COG5: variants seen among roughly 807,000 people sequenced by gnomAD.
COG5 encodes component of oligomeric golgi complex 5, also known as conserved oligomeric Golgi complex subunit 5.
A neutral mutation model predicts 110.4 loss-of-function variants in COG5; 86 were observed. The observed-to-expected ratio is 0.78, with a 90% confidence interval of 0.65 to 0.93. The LOEUF is 0.93. Among genes scored for constraint, COG5 ranks in the 40% least tolerant of loss-of-function variants. COG5 has a pLI of 0.00. For synonymous variants in COG5, 360 were observed against 334.6 expected, an observed-to-expected ratio of 1.08 and a Z score of -0.83; for missense variants, 1,077 against 987.0, an observed-to-expected ratio of 1.09 and a Z score of -1.22.
chr7:107,412,114 A>T (rs190953337), intron 7 of COG5, among the ~76,000 whole-genome samples: 2 of 152,266 alleles, frequency 1.3e-5, no homozygotes, highest in Admixed American at 1.3e-4. Context: ...TCAACAACTT[A>T]TTTAAGCTCT....
intron 8 of COG5, among the ~76,000 whole-genome samples, chr7:107,372,057 T>C (rs1814218639): frequency 1.3e-5 from 2 of 152,222 alleles, no homozygotes; most frequent in South Asian, 4.1e-4. Context: ...AGACTCCTAA[T>C]GAAAGGCTAC....
chr7:107,266,568 A>C (rs1317285022), intron 14 of COG5, among the ~76,000 whole-genome samples: 5 of 152,026 alleles, frequency 3.3e-5, no homozygotes, highest in Non-Finnish European at 5.9e-5. Flanking sequence ...TTCTTCTTTA[A>C]ATTTTGGTGA....
chr7:107,441,916 G>A (rs1038782789), intron 6 of COG5, among the ~76,000 whole-genome samples: 1 of 152,214 alleles, frequency 6.6e-6, no homozygotes, highest in Non-Finnish European at 1.5e-5. Flanking sequence ...CTATTGGTAT[G>A]CATTAGTTTA....
At chr7:107,491,217 T>C (rs1797956607) in intron 6 of COG5, among the ~76,000 whole-genome samples, 1 of 152,116 alleles carries the variant, frequency 6.6e-6, no homozygotes, top group African/African-American at 2.4e-5. Context: ...GTCCTGCAAT[T>C]ATCACAACTT....
intron 5 of COG5, among the ~76,000 whole-genome samples, chr7:107,529,722 C>T (rs1039095414): frequency 6.6e-6 from 1 of 152,170 alleles, no homozygotes; most frequent in Non-Finnish European, 1.5e-5. Context: ...AGCGTACTTT[C>T]CTTTCTTTCT....
At chr7:107,277,133 C>T (rs1171719332) in intron 14 of COG5, among the ~76,000 whole-genome samples, 1 of 152,140 alleles carries the variant, frequency 6.6e-6, no homozygotes, top group Non-Finnish European at 1.5e-5. Context: ...ATATATTATG[C>T]ACGTATTAAC....
At chr7:107,330,970 G>A (rs943851114) in intron 10 of COG5, among the ~76,000 whole-genome samples, 1 of 151,788 alleles carries the variant, frequency 6.6e-6, no homozygotes, top group South Asian at 2.1e-4. Flanking sequence ...CTACAGGTGC[G>A]TGCCACCACA....
intron 13 of COG5, among the ~76,000 whole-genome samples, chr7:107,283,266 A>G (rs1228024018): frequency 6.6e-6 from 1 of 152,166 alleles, no homozygotes; most frequent in African/African-American, 2.4e-5. Context: ...ATTATATTTG[A>G]TTTCTTGTGT....
chr7:107,331,905 G>A (rs957631356), intron 10 of COG5, among the ~76,000 whole-genome samples: 14 of 148,086 alleles, frequency 9.5e-5, no homozygotes, highest in African/African-American at 2.5e-4. Context: ...ACAGTGGCAC[G>A]ATCTCGGCTC....
chr7:107,323,055 ATC>A (rs1809442371), intron 11 of COG5, among the ~76,000 whole-genome samples: 1 of 152,236 alleles, frequency 6.6e-6, no homozygotes, highest in Non-Finnish European at 1.5e-5. Context: ...AATGTTCTAT[ATC>A]TTAATTGTAA....
At chr7:107,344,369 T>C (rs923453026) in intron 10 of COG5, among the ~76,000 whole-genome samples, 4 of 152,182 alleles carry the variant, frequency 2.6e-5, no homozygotes, top group African/African-American at 9.7e-5. Context: ...AACAAGAAAA[T>C]GTGCAGCTTC....
chr7:107,262,120 G>A (rs1033320795), intron 14 of COG5, among the ~76,000 whole-genome samples: 3 of 151,770 alleles, frequency 2.0e-5, no homozygotes, highest in Non-Finnish European at 4.4e-5. Context: ...TGAACTCCTG[G>A]CCTCAAGTGA....
intron 7 of COG5, among the ~76,000 whole-genome samples, chr7:107,381,723 G>A (rs1584753312): frequency 1.3e-5 from 2 of 152,180 alleles, no homozygotes; most frequent in East Asian, 3.9e-4. Context: ...AAAATATCAA[G>A]CAAAACAATA....
intron 5 of COG5, 47 bp from the exon 6 acceptor site, chr7:107,527,404 T>C: frequency 6.2e-7 from 1 of 1,602,374 alleles, no homozygotes; most frequent in Non-Finnish European, 8.5e-7. Context: ...TGAAGTTTTA[T>C]TACTATTAAT....
intron 11 of COG5, among the ~76,000 whole-genome samples, chr7:107,307,635 T>C (rs1807842845): frequency 6.6e-6 from 1 of 152,180 alleles, no homozygotes; most frequent in African/African-American, 2.4e-5. Flanking sequence ...AGGAGGTCAT[T>C]ATTCTAAGTG....
At chr7:107,326,674 T>A (rs1809793805) in intron 10 of COG5, among the ~76,000 whole-genome samples, 1 of 152,200 alleles carries the variant, frequency 6.6e-6, no homozygotes, top group Non-Finnish European at 1.5e-5. Context: ...GAAAGCATAC[T>A]GTGTTATGGG....
At chr7:107,469,212 ATAT>A (rs1563052603) in intron 6 of COG5, among the ~76,000 whole-genome samples, 34 of 151,952 alleles carry the variant, frequency 2.2e-4, no homozygotes, top group African/African-American at 8.2e-4. Flanking sequence ...GTGTAGCTAC[ATAT>A]CATATTTAAG....
chr7:107,511,325 C>T (rs1344224825), intron 6 of COG5, among the ~76,000 whole-genome samples: 9 of 152,182 alleles, frequency 5.9e-5, no homozygotes, highest in African/African-American at 2.2e-4. Context: ...GACACATACA[C>T]CATCCCAAGA....
intron 21 of COG5, among the ~76,000 whole-genome samples, chr7:107,205,166 G>C (rs1307328740): frequency 1.3e-5 from 2 of 152,172 alleles, no homozygotes; most frequent in East Asian, 3.9e-4. Context: ...GATTTCCCCT[G>C]AAGTATTACA....
Sources: gnomAD v4.1 joint callset for allele counts (sites outside exome capture counted in the v4.1 genomes callset) on GRCh38, gnomAD v4.1.1 for gene constraint, MANE v1.5 for transcripts, NCBI Gene and HGNC (gene_info 2026-07-23, HGNC 2026-07-21) for gene names.